The following PGK1 variants were observed in gnomAD, a reference collection of about 807,000 sequenced individuals.
PGK1 encodes phosphoglycerate kinase 1.
PGK1 carries 3 observed loss-of-function variants against 26.9 expected under a neutral mutation model. That is an observed-to-expected ratio of 0.11 (90% confidence interval 0.05 to 0.29). The LOEUF (loss-of-function observed/expected upper bound fraction) is 0.29, where lower values mean the gene tolerates loss of function less well. Ranked by LOEUF, PGK1 falls within the 10% of genes least tolerant of loss-of-function variation. The pLI is 1.00. For synonymous variants in PGK1, 125 were observed against 115.3 expected (o/e 1.08, Z -0.54); for missense variants, 270 against 314.7 (o/e 0.86, Z 1.07).
rs1427359131 is a variant in PGK1 at position 78,126,094 on chromosome X, G to C, written c.*264G>C. On this transcript the variant is annotated 3_prime_UTR_variant, in exon 11 of 11. Coordinates refer to ENST00000373316, the MANE Select transcript of PGK1 (RefSeq NM_000291.4). ...TCTAGAGTGCATATATTTATATTTT[G>C]CCTGTTAAAAAGAAAGTGAGCAGTG... 1 of 386,235 alleles carries C rather than the reference G, an allele frequency of 2.6e-6. No homozygotes were observed. The highest frequency in any genetic ancestry group is 4.5e-6 in the Non-Finnish European group (1 of 220,309). The allele number at this position is 386,235 out of a possible 1,213,427, so 31.8% of individuals were successfully genotyped here.
In PGK1 at chrX:78,104,412, C is replaced by G. The variant is rs782566582; in HGVS notation, c.65+7C>G. 8.5e-7 allele frequency: 1 copy of G among 1,179,484 alleles called. No individual in the cohort carries two copies. Among genetic ancestry groups the G allele is most frequent in the South Asian group, 1.8e-5 (1 of 56,031 alleles). ...GGAAGCGGGTCGTTATGAGGTAATT[C>G]TGCACGTTTGCCCGCGTGCTCTCTG... On this transcript the variant is annotated splice_region_variant and intron_variant, in intron 1 of 10. Coordinates refer to ENST00000373316, the MANE Select transcript of PGK1 (RefSeq NM_000291.4).
chrX:78,106,325 A>AT (rs1398644761), intron 1 of PGK1: 10 of 600,799 alleles, frequency 1.7e-5, no homozygotes, highest in Non-Finnish European at 2.0e-5. Flanking sequence ...ATTCGAGACA[A>AT]TGACCAAGGA....
intron 6 of PGK1, among the ~76,000 whole-genome samples, chrX:78,120,313 CTG>C (rs781913961): frequency 5.2e-4 from 55 of 106,207 alleles, no homozygotes; most frequent in Non-Finnish European, 9.3e-4. Flanking sequence ...TGTCCTAACT[CTG>C]TTTTGTCAGG....
intron 1 of PGK1, among the ~76,000 whole-genome samples, chrX:78,107,511 CTT>C (rs1461875358): frequency 2.7e-5 from 3 of 112,083 alleles, no homozygotes; most frequent in Non-Finnish European, 3.8e-5. Context: ...TTGGGATTAA[CTT>C]TTTTCACTTA....
intron 8 of PGK1, among the ~76,000 whole-genome samples, chrX:78,123,798 G>C (rs909025962): frequency 9.1e-6 from 1 of 110,263 alleles, no homozygotes; most frequent in South Asian, 3.8e-4. Context: ...TCATAGAGAC[G>C]GGGTTTCACC....
rs931000136 is a variant in PGK1 at position 78,127,878 on chromosome X, T to C, written c.*2048T>C. 5.3e-5 allele frequency: 6 copies of C among 112,438 alleles called. No homozygotes were observed. The highest frequency in any genetic ancestry group is 1.1e-4 in the Non-Finnish European group (6 of 53,316). 9.3% of individuals were successfully genotyped at this position (112,438 alleles called of 1,213,427 possible). On this transcript the variant is annotated 3_prime_UTR_variant, in exon 11 of 11. Coordinates refer to ENST00000373316, the MANE Select transcript of PGK1 (RefSeq NM_000291.4). The stretch of plus-strand genomic sequence containing the variant: ...AATTCTAGTCCAATTTTTGTGACTT[T>C]TTCCTACTGATTACCTTTCCTCCAA...
chrX:78,112,757 A>G (rs2078307363), intron 2 of PGK1, among the ~76,000 whole-genome samples: 1 of 112,309 alleles, frequency 8.9e-6, no homozygotes, highest in South Asian at 3.6e-4. Context: ...TCTCATGGCT[A>G]AAGTTTATTA....
At chrX:78,106,568 T>G in intron 1 of PGK1, 1 of 752,764 alleles carries the variant, frequency 1.3e-6, no homozygotes, top group Non-Finnish European at 1.6e-6. Context: ...TCCTGAGTAG[T>G]GGCTGCCTCA....
chrX:78,126,009 G>T lies in PGK1; in HGVS notation c.*179G>T. 1 of 498,091 alleles carries T rather than the reference G, an allele frequency of 2.0e-6. No homozygotes were observed. The highest frequency in any genetic ancestry group is 3.6e-6 in the Non-Finnish European group (1 of 277,894). The allele number at this position is 498,091 out of a possible 1,213,427, so 41.0% of individuals were successfully genotyped here. On this transcript the variant is annotated 3_prime_UTR_variant, in exon 11 of 11. Coordinates refer to ENST00000373316, the MANE Select transcript of PGK1 (RefSeq NM_000291.4). ...CTCAGCTCATCTTCACTGCACCCTG[G>T]ATTTGCATACATTCTTCAAGATCCC...
Position 78,129,217 on chromosome X carries a change from G to GTACCTATCTACC in PGK1, c.*3397_*3398insCCTACCTATCTA, listed in dbSNP as rs782679826. 5 of 58,127 alleles carry GTACCTATCTACC rather than the reference G, an allele frequency of 8.6e-5. No individual in the cohort carries two copies. The highest frequency in any genetic ancestry group is 4.6e-4 in the African/African-American group (5 of 10,791). 4.8% of individuals were successfully genotyped at this position (58,127 alleles called of 1,213,427 possible). A position where few individuals can be genotyped will look rare whatever the true frequency, so the allele number is the denominator to read the frequency against. On this transcript the variant is annotated 3_prime_UTR_variant, in exon 11 of 11. Coordinates refer to ENST00000373316, the MANE Select transcript of PGK1 (RefSeq NM_000291.4). Reference sequence around the variant, plus strand: ...CTGCATAAAGAGCATACCCATGTGTGTACCTATCTATCTATCTATCTATCT... The same window carrying GTACCTATCTACC: ...CTGCATAAAGAGCATACCCATGTGTGTACCTATCTACCTACCTATCTATCTATCTATCTATCT...
intron 2 of PGK1, among the ~76,000 whole-genome samples, chrX:78,110,343 A>G (rs908402594): frequency 2.7e-5 from 3 of 109,444 alleles, no homozygotes; most frequent in Non-Finnish European, 5.7e-5. Context: ...TTTTTTTTGT[A>G]GAGATGGGGT....
chrX:78,125,366 C>T lies in PGK1; in HGVS notation c.1154C>T (p.Thr385Met), dbSNP rs781845619. Residue 385 changes from threonine to methionine, a missense_variant, in exon 10 of 11, where the codon ACG (threonine) becomes ATG (methionine). By Grantham distance (81) the Thr-to-Met change is moderately conservative. This residue lies in a region of PGK1 where 103 missense variants were observed against 114.6 expected (regional missense o/e 0.90). Transcript: ENST00000373316. ...DTATCCAKWN[T>M]EDKVSHVSTG... ...GCCACTTGCTGTGCCAAATGGAACA[C>T]GGAGGATAAAGTCAGCCATGTGAGC... The T allele has an allele frequency of 1.9e-5, 23 of 1,206,107 alleles. No homozygotes were observed. The highest frequency in any genetic ancestry group is 1.1e-4 in the South Asian group (6 of 56,692).
intron 6 of PGK1, among the ~76,000 whole-genome samples, chrX:78,119,977 C>T (rs2078345902): frequency 9.0e-6 from 1 of 111,262 alleles, no homozygotes; most frequent in African/African-American, 3.3e-5. Context: ...GGTATCTATT[C>T]CTGGGCTTTG....
chrX:78,109,560 T>G (rs1557246636), intron 1 of PGK1, among the ~76,000 whole-genome samples: 1 of 110,484 alleles, frequency 9.1e-6, no homozygotes, highest in Non-Finnish European at 1.9e-5. Flanking sequence ...TTTTAAAGTA[T>G]GAATACATAC....
Position 78,123,380 on chromosome X carries a change from T to C in PGK1, c.936+6T>C. The stretch of plus-strand genomic sequence containing the variant: ...GCATACCTGCTGGCTGGATGGTGAG[T>C]CACTTGAGTGGGTTGGTAGTGTGAG... On this transcript the variant is annotated splice_donor_region_variant and intron_variant, in intron 8 of 10. Transcript: ENST00000373316. 8.4e-7 allele frequency: 1 copy of C among 1,192,497 alleles called. No individual in the cohort carries two copies.
chrX:78,109,940 G>T, intron 2 of PGK1, 23 bp downstream of exon 2: 1 of 1,087,265 alleles, frequency 9.2e-7, no homozygotes, highest in South Asian at 1.8e-5. Flanking sequence ...CTAATCCTTG[G>T]GCTGGGTTTA....
intron 1 of PGK1, among the ~76,000 whole-genome samples, chrX:78,104,659 A>G (rs1177674369): frequency 4.5e-5 from 5 of 110,749 alleles, no homozygotes; most frequent in Non-Finnish European, 9.5e-5. Context: ...GCTGGGACCC[A>G]TTTTGTCCTT....
chrX:78,119,700 G>A (rs550302903), intron 6 of PGK1, among the ~76,000 whole-genome samples: 4 of 111,550 alleles, frequency 3.6e-5, no homozygotes, highest in African/African-American at 1.3e-4. Flanking sequence ...TTCCACCCTC[G>A]CTCGCCTCTC....
Position 78,106,407 on chromosome X carries a change from A to C in PGK1, c.65+2002A>C, listed in dbSNP as rs1270077389. The C allele has an allele frequency of 4.0e-6, 3 of 747,765 alleles. No homozygotes were observed. In the East Asian group the frequency reaches 4.5e-4, roughly 113 times the overall value. 61.6% of individuals were successfully genotyped at this position (747,765 alleles called of 1,213,427 possible). Reference sequence around the variant, plus strand: ...ATTTAGGCTGAGGACAGGAAGTTACATGGTTCCCTGATTATTAATGTATTT... The same window carrying C: ...ATTTAGGCTGAGGACAGGAAGTTACCTGGTTCCCTGATTATTAATGTATTT... On this transcript the variant is annotated intron_variant, in intron 1 of 10. Coordinates refer to ENST00000373316, the MANE Select transcript of PGK1 (RefSeq NM_000291.4).
Sources: allele counts gnomAD v4.1 joint callset (sites outside exome capture counted in the v4.1 genomes callset), GRCh38; gene constraint gnomAD v4.1.1; regional missense constraint gnomAD v4.1.1; transcripts MANE v1.5; gene names NCBI Gene and HGNC (gene_info 2026-07-23, HGNC 2026-07-21).